The following SEC14L1 variants were observed in gnomAD, a reference collection of about 807,000 sequenced individuals.
SEC14L1 encodes SEC14-like protein 1.
SEC14L1 carries 48 observed loss-of-function variants against 85.3 expected under a neutral mutation model. The observed-to-expected ratio is 0.56, with a 90% confidence interval of 0.45 to 0.72. The LOEUF (loss-of-function observed/expected upper bound fraction) is 0.72, where lower values mean the gene tolerates loss of function less well. Among genes scored for constraint, SEC14L1 ranks in the 30% least tolerant of loss-of-function variants. The pLI, the probability that SEC14L1 is intolerant of heterozygous loss-of-function variation, is 0.00. For missense variants in SEC14L1, 682 were observed against 921.4 expected, an observed-to-expected ratio of 0.74 and a Z score of 3.36; for synonymous variants, 391 against 355.5, an observed-to-expected ratio of 1.10 and a Z score of -1.12.
intron 3 of SEC14L1, among the ~76,000 whole-genome samples, chr17:77,108,075 C>T (rs1971957573): frequency 1.3e-5 from 2 of 151,598 alleles, no homozygotes; most frequent in Non-Finnish European, 2.9e-5. Context: ...TTTCAGCCCC[C>T]TGTTCCATGC....
chr17:77,095,228 G>C (rs1465796208), intron 3 of SEC14L1, among the ~76,000 whole-genome samples: 1 of 152,192 alleles, frequency 6.6e-6, no homozygotes, highest in Non-Finnish European at 1.5e-5. Context: ...GGACAGAGCT[G>C]TTGATACTTA....
intron 4 of SEC14L1, 75 bp downstream of exon 4, chr17:77,191,027 C>T: frequency 1.3e-6 from 2 of 1,576,568 alleles, no homozygotes; most frequent in South Asian, 2.3e-5. Flanking sequence ...GAGAGGGCGT[C>T]CTGGAGGGAG....
chr17:77,136,227 T>G (rs1410780172), upstream of SEC14L1, among the ~76,000 whole-genome samples: 1 of 151,440 alleles, frequency 6.6e-6, no homozygotes, highest in East Asian at 1.9e-4. Flanking sequence ...TTTCTTTCTT[T>G]TCTCTTTCCT....
Position 77,194,771 on chromosome 17 carries a change from C to T in SEC14L1, c.569C>T (p.Ser190Leu). The T allele has an allele frequency of 1.2e-6, 2 of 1,614,216 alleles. No homozygotes were observed. The highest frequency in any genetic ancestry group is 1.7e-4 in the Middle Eastern group (1 of 6,060). ...RWSPPSITTS[S>L]ETSSSSSKKQ... The stretch of plus-strand genomic sequence containing the variant: ...AGTCCGCCTTCCATCACGACCTCTT[C>T]AGAGACATCTTCATCATCCTCCAAG... The change falls in exon 7 of 17, where the codon TCA becomes TTA. Residue 190 changes from serine to leucine, a missense_variant. Coordinates refer to ENST00000436233, the MANE Select transcript of SEC14L1 (RefSeq NM_001143998.2).
At chr17:77,204,534 T>C (rs910564286) in intron 10 of SEC14L1, among the ~76,000 whole-genome samples, 5 of 148,992 alleles carry the variant, frequency 3.4e-5, no homozygotes, top group African/African-American at 9.9e-5. Flanking sequence ...TTTTTTTTTT[T>C]TTTTTTTTTT....
At chr17:77,192,533 T>C (rs1000104742) in intron 5 of SEC14L1, among the ~76,000 whole-genome samples, 6 of 152,174 alleles carry the variant, frequency 3.9e-5, no homozygotes, top group African/African-American at 1.4e-4. Flanking sequence ...GGCTCCAAGG[T>C]GCTCGCTGTG....
rs1555628453 is a variant in SEC14L1, at chr17:77,204,522, C to CCTTTTTTTTTTTTTTTTTTTTT, written c.1099-754_1099-753insCTTTTTTTTTTTTTTTTTTTTT. Among the ~76,000 whole-genome samples the CCTTTTTTTTTTTTTTTTTTTTT allele has an allele frequency of 7.1e-5, 6 of 84,728 alleles. 3 individuals are homozygous for CCTTTTTTTTTTTTTTTTTTTTT. The highest frequency in any genetic ancestry group is 7.9e-5 in the African/African-American group (2 of 25,198). 55.6% of individuals were successfully genotyped at this position (84,728 alleles called of 152,430 possible). Reference sequence around the variant, plus strand: ...GGCTTGAGCCACCCTGCCCAGCCAGCTTTTTTTTTTTTTTTTTTTTTTTTT... The same window carrying CCTTTTTTTTTTTTTTTTTTTTT: ...GGCTTGAGCCACCCTGCCCAGCCAGCCTTTTTTTTTTTTTTTTTTTTTTTTTTTTTTTTTTTTTTTTTTTTTT... On this transcript the variant is annotated intron_variant, in intron 10 of 16. Coordinates refer to ENST00000436233, the MANE Select transcript of SEC14L1 (RefSeq NM_001143998.2).
chr17:77,164,839 C>G (rs1380211007), intron 3 of SEC14L1, among the ~76,000 whole-genome samples: 2 of 152,126 alleles, frequency 1.3e-5, no homozygotes, highest in Non-Finnish European at 2.9e-5. Context: ...GCAGAGAAGG[C>G]TTTTGTCCTG....
At chr17:77,204,311 A>G (rs563311491) in intron 10 of SEC14L1, among the ~76,000 whole-genome samples, 8 of 152,044 alleles carry the variant, frequency 5.3e-5, no homozygotes, top group Non-Finnish European at 8.8e-5. Context: ...TCCACCTCCC[A>G]GGTTCGAGTG....
intron 3 of SEC14L1, among the ~76,000 whole-genome samples, chr17:77,129,072 A>ATAAAT (rs1407815945): frequency 2.6e-5 from 4 of 152,190 alleles, no homozygotes; most frequent in African/African-American, 9.6e-5. Context: ...CTAAATATAG[A>ATAAAT]CGATGTTGCT....
rs144483050 is a variant in SEC14L1, at chr17:77,192,970, T to C, written c.346-451T>C. 4.1e-4 allele frequency among the ~76,000 whole-genome samples: 63 copies of C among 152,336 alleles called. 3 individuals carry two copies. The East Asian group carries it at 0.012, about 29-fold the overall frequency. On this transcript the variant is annotated intron_variant, in intron 5 of 16. Transcript: ENST00000436233. ...AACCATCATGCCTGACCCCCATCCC[T>C]GGTTCTTTTAGCCTGTGCTCCAAGT...
chr17:77,168,101 AG>A (rs1331434396), intron 3 of SEC14L1, among the ~76,000 whole-genome samples: 1 of 152,054 alleles, frequency 6.6e-6, no homozygotes, highest in Non-Finnish European at 1.5e-5. Flanking sequence ...TAAGAGAAGG[AG>A]GGGGTAGGAG....
intron 3 of SEC14L1, among the ~76,000 whole-genome samples, chr17:77,188,972 G>A (rs910467041): frequency 2.6e-5 from 4 of 150,978 alleles, no homozygotes. Context: ...TTTCTAATTG[G>A]ACTTTTTAAA....
intron 3 of SEC14L1, among the ~76,000 whole-genome samples, chr17:77,115,449 A>T (rs1414070061): frequency 1.3e-5 from 2 of 152,154 alleles, no homozygotes; most frequent in Non-Finnish European, 2.9e-5. Context: ...AATAAATAAA[A>T]AAGCTGCAAG....
chr17:77,125,877 CG>C (rs1392928076), intron 3 of SEC14L1, among the ~76,000 whole-genome samples: 2 of 152,170 alleles, frequency 1.3e-5, no homozygotes, highest in African/African-American at 4.8e-5. Context: ...TGGGGCCGGG[CG>C]GGGTGGCTCA....
At chr17:77,116,441 G>A (rs1306882199) in intron 3 of SEC14L1, among the ~76,000 whole-genome samples, 1 of 152,054 alleles carries the variant, frequency 6.6e-6, no homozygotes, top group Non-Finnish European at 1.5e-5. Flanking sequence ...AAATGAACCG[G>A]GAAGGATGGT....
At chr17:77,158,994 C>T (rs1396628891) in intron 3 of SEC14L1, among the ~76,000 whole-genome samples, 5 of 149,622 alleles carry the variant, frequency 3.3e-5, no homozygotes, top group Non-Finnish European at 7.4e-5. Flanking sequence ...TTAATAAAAA[C>T]AGGGTTTCAC....
At position 77,190,902 on chromosome 17, in the gene SEC14L1, A is replaced by G. The variant is rs374486948; in HGVS notation, c.163A>G (p.Ile55Val). The change falls in exon 4 of 17, where the codon ATT (isoleucine) becomes GTT (valine). Residue 55 changes from isoleucine to valine, a missense_variant. Ile to Val is a conservative substitution (Grantham distance 29). Coordinates refer to ENST00000436233, the MANE Select transcript of SEC14L1 (RefSeq NM_001143998.2). Reference sequence around the variant, plus strand: ...GAGCGAAGATGGGGCTATTCATGTCATTGAAAGGCGCTGCAAGCTGGATGT... The same window carrying G: ...GAGCGAAGATGGGGCTATTCATGTCGTTGAAAGGCGCTGCAAGCTGGATGT... ...FKSEDGAIHV[I>V]ERRCKLDVDA... The G allele has an allele frequency of 1.9e-6, 3 of 1,614,210 alleles. No individual in the cohort carries two copies. Among genetic ancestry groups the G allele is most frequent in the Non-Finnish European group, 2.5e-6 (3 of 1,180,046 alleles).
At chr17:77,141,680 C>G (rs777837956) in intron 1 of SEC14L1, 7 of 152,218 alleles carry the variant, frequency 4.6e-5, no homozygotes, top group Non-Finnish European at 7.3e-5. Context: ...GCAGCTGAGA[C>G]CTGGCTGTGG....
Sources: allele counts gnomAD v4.1 joint callset (sites outside exome capture counted in the v4.1 genomes callset), GRCh38; gene constraint gnomAD v4.1.1; transcripts MANE v1.5; gene names NCBI Gene and HGNC (gene_info 2026-07-23, HGNC 2026-07-21).